The following EPHA5 variants were observed in gnomAD, a reference collection of about 807,000 sequenced individuals.
EPHA5 encodes ephrin type-A receptor 5.
A neutral mutation model predicts 105.0 loss-of-function variants in EPHA5; 60 were observed. That is an observed-to-expected ratio of 0.57 (90% CI 0.46 to 0.71). EPHA5 has a LOEUF of 0.71. EPHA5 is among the 30% of genes least tolerant of loss of function. EPHA5 has a pLI of 0.00. For missense variants in EPHA5, 1,218 were observed against 1,274.7 expected (o/e 0.96, Z 0.68); for synonymous variants, 513 against 449.1 (o/e 1.14, Z -1.80).
chr4:65,666,538 C>T (rs1749980161), intron 1 of EPHA5, among the ~76,000 whole-genome samples: 1 of 152,208 alleles, frequency 6.6e-6, no homozygotes, highest in Admixed American at 6.5e-5. Flanking sequence ...TAAATTTTCA[C>T]TTGCAGATAC....
At chr4:65,613,465 A>G (rs1311107793) in intron 2 of EPHA5, among the ~76,000 whole-genome samples, 1 of 152,090 alleles carries the variant, frequency 6.6e-6, no homozygotes, top group African/African-American at 2.4e-5. Flanking sequence ...TGCTTTGGGC[A>G]GTATGGTCAT....
intron 12 of EPHA5, 145 bp from the exon 13 acceptor site, chr4:65,351,743 T>C: frequency 1.4e-6 from 1 of 705,384 alleles, no homozygotes; most frequent in Non-Finnish European, 2.4e-6. Flanking sequence ...TGGAAAATGG[T>C]AGGAAGTATA....
At chr4:65,370,716 A>G (rs1283510945) in intron 8 of EPHA5, among the ~76,000 whole-genome samples, 1 of 152,172 alleles carries the variant, frequency 6.6e-6, no homozygotes, top group African/African-American at 2.4e-5. Flanking sequence ...GGTGAGGAGC[A>G]GTTAACATTG....
Position 65,573,571 on chromosome 4 carries a change from A to G in EPHA5, c.910+28070T>C, listed in dbSNP as rs958959059. 3.4e-5 allele frequency: 54 copies of G among 1,598,384 alleles called. 1 individual carries two copies. In the East Asian group the frequency reaches 6.9e-4, roughly 20 times the overall value. On this transcript the variant is annotated intron_variant, in intron 3 of 16. Transcript: ENST00000613740. ...GGTAACCTCAAAGCTAAAAAGCCCA[A>G]GAAGGGGAAGCCCCGTTGCAGCCGC... is the stretch of plus-strand genomic sequence containing the variant.
intron 2 of EPHA5, among the ~76,000 whole-genome samples, chr4:65,638,281 C>A (rs1747333983): frequency 2.0e-5 from 3 of 152,026 alleles, no homozygotes; most frequent in Non-Finnish European, 2.9e-5. Flanking sequence ...GGCAATATCT[C>A]CACAACTGGG....
chr4:65,378,029 C>A (rs748965093), intron 8 of EPHA5, among the ~76,000 whole-genome samples: 9 of 151,348 alleles, frequency 5.9e-5, no homozygotes, highest in Non-Finnish European at 1.2e-4. Context: ...TTTTTTATAT[C>A]AAAAAAAGTA....
At chr4:65,651,565 T>C (rs1260078026) in intron 1 of EPHA5, among the ~76,000 whole-genome samples, 1 of 152,220 alleles carries the variant, frequency 6.6e-6, no homozygotes, top group East Asian at 1.9e-4. Context: ...CTAAAAGAGA[T>C]GACTTTTATT....
At chr4:65,656,760 G>T (rs940234531) in intron 1 of EPHA5, among the ~76,000 whole-genome samples, 4 of 150,894 alleles carry the variant, frequency 2.7e-5, no homozygotes, top group African/African-American at 9.7e-5. Context: ...GACTACAGGT[G>T]CACGCCACCA....
intron 14 of EPHA5, among the ~76,000 whole-genome samples, chr4:65,337,250 T>C (rs1721272704): frequency 6.6e-6 from 1 of 152,100 alleles, no homozygotes; most frequent in Non-Finnish European, 1.5e-5. Context: ...TACTAGCTTG[T>C]TGAAAATATA....
At chr4:65,336,191 T>C in intron 14 of EPHA5, 66 bp from the exon 15 acceptor site, 2 of 1,283,852 alleles carry the variant, frequency 1.6e-6, no homozygotes, top group South Asian at 1.8e-5. Flanking sequence ...GCTTTAAAAA[T>C]GTCCCACTGT....
intron 5 of EPHA5, among the ~76,000 whole-genome samples, chr4:65,474,877 A>T (rs1729642566): frequency 6.6e-6 from 1 of 152,230 alleles, no homozygotes; most frequent in African/African-American, 2.4e-5. Flanking sequence ...AAGATCGATT[A>T]TGCTGGCATT....
chr4:65,591,172 G>GT (rs1472427620), intron 3 of EPHA5, among the ~76,000 whole-genome samples: 6 of 151,898 alleles, frequency 4.0e-5, no homozygotes, highest in African/African-American at 1.4e-4. Flanking sequence ...AAAGTTTTCC[G>GT]TTTTCCACAT....
intron 5 of EPHA5, among the ~76,000 whole-genome samples, chr4:65,485,779 TG>T (rs1390831796): frequency 2.2e-4 from 33 of 152,294 alleles, no homozygotes; most frequent in African/African-American, 7.7e-4. Flanking sequence ...CCACAAAGAA[TG>T]GTGCTTTGGC....
chr4:65,390,681 C>T (rs780998120), intron 8 of EPHA5, among the ~76,000 whole-genome samples: 3 of 151,914 alleles, frequency 2.0e-5, no homozygotes, highest in Non-Finnish European at 4.4e-5. Flanking sequence ...AAAACAACAG[C>T]AAGGAAGAGT....
chr4:65,501,560 T>C (rs1169726570), intron 3 of EPHA5, among the ~76,000 whole-genome samples: 3 of 151,534 alleles, frequency 2.0e-5, no homozygotes, highest in Non-Finnish European at 4.4e-5. Flanking sequence ...AGGTGAAAGA[T>C]ATATACAAGA....
At chr4:65,610,695 A>C (rs2149457084) in intron 2 of EPHA5, among the ~76,000 whole-genome samples, 1 of 152,364 alleles carries the variant, frequency 6.6e-6, no homozygotes, top group East Asian at 1.9e-4. Context: ...TAAACTGAAT[A>C]AAATCTTAAA....
At chr4:65,527,575 G>A (rs555953465) in intron 3 of EPHA5, among the ~76,000 whole-genome samples, 2 of 152,100 alleles carry the variant, frequency 1.3e-5, no homozygotes, top group South Asian at 2.1e-4. Context: ...TTTTAAATTA[G>A]ATCTATATTT....
chr4:65,619,412 T>G (rs957641765), intron 2 of EPHA5, among the ~76,000 whole-genome samples: 10 of 152,164 alleles, frequency 6.6e-5, no homozygotes, highest in African/African-American at 9.7e-5. Context: ...GGACTTTTTT[T>G]GAAGAAAGAC....
intron 3 of EPHA5, among the ~76,000 whole-genome samples, chr4:65,539,505 C>T (rs550350387): frequency 6.6e-6 from 1 of 151,424 alleles, no homozygotes; most frequent in Non-Finnish European, 1.5e-5. Flanking sequence ...GATTCTATAA[C>T]CATGTTCAAT....
Sources: gnomAD v4.1 joint callset for allele counts (sites outside exome capture counted in the v4.1 genomes callset) on GRCh38, gnomAD v4.1.1 for gene constraint, MANE v1.5 for transcripts, NCBI Gene and HGNC (gene_info 2026-07-23, HGNC 2026-07-21) for gene names.